The following JPH2 variants were observed in gnomAD, a reference collection of about 807,000 sequenced individuals.
JPH2 encodes the protein junctophilin 2.
In JPH2, 38 loss-of-function variants were observed where a neutral mutation model predicts 55.9. That is an observed-to-expected ratio of 0.68 (90% CI 0.52 to 0.89). JPH2 has a LOEUF of 0.89. Among genes scored for constraint, JPH2 ranks in the 40% least tolerant of loss-of-function variants. JPH2 has a pLI of 0.00. For missense variants in JPH2, 964 were observed against 1,037.6 expected (o/e 0.93, Z 0.97); for synonymous variants, 480 against 472.4 (o/e 1.02, Z -0.21).
intron 2 of JPH2, among the ~76,000 whole-genome samples, chr20:44,140,704 G>T (rs908671904): frequency 1.9e-4 from 21 of 111,988 alleles, no homozygotes; most frequent in African/African-American, 7.3e-4. Context: ...TGGGATTATG[G>T]AAACACCTGG....
At chr20:44,164,863 GT>G (rs2072645010) in intron 1 of JPH2, among the ~76,000 whole-genome samples, 2 of 147,940 alleles carry the variant, frequency 1.4e-5, no homozygotes, top group Non-Finnish European at 3.0e-5. Context: ...GGGGGATGGA[GT>G]TTTGCTCTTG....
At chr20:44,138,769 GCTAA>G (rs780216973) in intron 2 of JPH2, among the ~76,000 whole-genome samples, 52 of 151,498 alleles carry the variant, frequency 3.4e-4, no homozygotes, top group Admixed American at 7.2e-4. Flanking sequence ...CTTTTTTTTG[GCTAA>G]CTTTTTCTAA....
chr20:44,166,838 C>T (rs990437061), intron 1 of JPH2, among the ~76,000 whole-genome samples: 3 of 152,204 alleles, frequency 2.0e-5, no homozygotes, highest in Admixed American at 1.3e-4. Context: ...CCTCCGATAC[C>T]CTTTGGACTG....
At position 44,111,105 on chromosome 20, in the gene JPH2, C is replaced by G. The variant is rs572344244; in HGVS notation, c.*2413G>C. On this transcript the variant is annotated 3_prime_UTR_variant, in exon 6 of 6. Coordinates refer to ENST00000372980, the MANE Select transcript of JPH2 (RefSeq NM_020433.5). ...GTGACCTTGGGCAAGTCCCTCTGCT[C>G]TAAGCCTCTGTGGAATGTGGCGATC... Among the ~76,000 whole-genome samples the G allele has an allele frequency of 1.3e-5, 2 of 152,236 alleles. No homozygotes were observed. The highest frequency in any genetic ancestry group is 2.9e-5 in the Non-Finnish European group (2 of 68,044).
In JPH2 at chr20:44,116,065, C is replaced by A. The variant is rs1297647598; in HGVS notation, c.1610G>T (p.Arg537Leu). 1 of 1,552,548 alleles carries A rather than the reference C, an allele frequency of 6.4e-7. No homozygotes were observed. The highest frequency in any genetic ancestry group is 8.6e-7 in the Non-Finnish European group (1 of 1,159,034). Residue 537 changes from arginine (R) to leucine (L), a missense_variant, in exon 4 of 6, where the codon CGT becomes CTT. Coordinates refer to ENST00000372980, the MANE Select transcript of JPH2 (RefSeq NM_020433.5). ...GATGGCCATGCGCTCGGTGGCTGGACGCGCGGGGCTGCGGCGGCCCGCGCC... is the reference window on the plus strand; with the variant it reads ...GATGGCCATGCGCTCGGTGGCTGGAAGCGCGGGGCTGCGGCGGCCCGCGCC... ...SEGAGRRSPA[R>L]PATERMAIEA...
chr20:44,162,906 G>A (rs750908021), intron 1 of JPH2, among the ~76,000 whole-genome samples: 11 of 150,274 alleles, frequency 7.3e-5, no homozygotes, highest in African/African-American at 1.2e-4. Context: ...TTCACATTGC[G>A]TGCCTTTATC....
At position 44,115,771 on chromosome 20, in the gene JPH2, G is replaced by T. The variant is rs2145838059; in HGVS notation, c.1904C>A (p.Ala635Asp). Residue 635 changes from alanine to aspartate, a missense_variant, in exon 4 of 6, where the codon GCC becomes GAC. Physicochemically the swap from Ala to Asp is moderately radical, Grantham distance 126 (BLOSUM62 -2). Transcript: ENST00000372980. ...KPIIPKAEPR[A>D]KARKTEARGL... ...TCGAGCCTCAGTCTTGCGGGCCTTG[G>T]CCCTGGGCTCGGCTTTGGGGATGAT... is the stretch of plus-strand genomic sequence containing the variant. 6.2e-7 allele frequency: 1 copy of T among 1,611,998 alleles called. No individual in the cohort carries two copies. Among genetic ancestry groups the T allele is most frequent in the South Asian group, 1.1e-5 (1 of 91,080 alleles).
intron 2 of JPH2, among the ~76,000 whole-genome samples, chr20:44,137,592 G>A (rs2072423336): frequency 6.6e-6 from 1 of 152,212 alleles, no homozygotes; most frequent in Non-Finnish European, 1.5e-5. Context: ...ACAAGGACAG[G>A]GGAGGAAGAA....
At chr20:44,170,228 T>C (rs1259678335) in intron 1 of JPH2, among the ~76,000 whole-genome samples, 1 of 152,154 alleles carries the variant, frequency 6.6e-6, no homozygotes, top group Non-Finnish European at 1.5e-5. Flanking sequence ...AAATCCTTCA[T>C]AGCCCAGTTT....
In JPH2 at chr20:44,108,677, T is replaced by C. The variant is rs1222412817; in HGVS notation, c.*4841A>G. ...AGAGGAAGAAGAAGTGACTGTAATG[T>C]AGGCACCTGGTCAAGACAGCCTGGA... On this transcript the variant is annotated 3_prime_UTR_variant, in exon 6 of 6. Coordinates refer to ENST00000372980, the MANE Select transcript of JPH2 (RefSeq NM_020433.5). Among the ~76,000 whole-genome samples, 1 of 150,890 alleles carries C rather than the reference T, an allele frequency of 6.6e-6. No homozygotes were observed. Among genetic ancestry groups the C allele is most frequent in the Non-Finnish European group, 1.5e-5 (1 of 67,866 alleles).
intron 4 of JPH2, 42 bp from the exon 5 acceptor site, chr20:44,114,918 C>G: frequency 6.7e-7 from 1 of 1,481,980 alleles, no homozygotes; most frequent in Non-Finnish European, 9.3e-7. Context: ...CCCATGGCCT[C>G]GGAGACACCC....
chr20:44,166,478 T>G (rs1328778495), intron 1 of JPH2, among the ~76,000 whole-genome samples: 1 of 152,254 alleles, frequency 6.6e-6, no homozygotes, highest in Non-Finnish European at 1.5e-5. Context: ...CCAACCTACC[T>G]TTAGCTTCAG....
intron 2 of JPH2, among the ~76,000 whole-genome samples, chr20:44,150,143 C>T (rs1159956964): frequency 6.6e-6 from 1 of 151,802 alleles, no homozygotes; most frequent in East Asian, 1.9e-4. Flanking sequence ...AAGAGAGAAA[C>T]AAGTTAAACA....
chr20:44,154,381 C>T (rs1490637351), intron 2 of JPH2, among the ~76,000 whole-genome samples: 1 of 152,200 alleles, frequency 6.6e-6, no homozygotes, highest in African/African-American at 2.4e-5. Flanking sequence ...TCTTTTCATA[C>T]TAAGTATTTG....
chr20:44,131,912 C>T (rs1236562961), intron 2 of JPH2, among the ~76,000 whole-genome samples: 1 of 152,200 alleles, frequency 6.6e-6, no homozygotes, highest in Admixed American at 6.5e-5. Flanking sequence ...TCCTTCAGGA[C>T]CCTACCCCAG....
At chr20:44,118,729 C>T (rs1005989154) in intron 2 of JPH2, 106 bp from the exon 3 acceptor site, 43 of 871,920 alleles carry the variant, frequency 4.9e-5, no homozygotes, top group Non-Finnish European at 6.9e-5. Flanking sequence ...CATTCTTTCA[C>T]GCAGGCAGTC....
In JPH2 at chr20:44,125,825, G is replaced by A. The variant is rs189962210; in HGVS notation, c.1170-7202C>T. Among the ~76,000 whole-genome samples the A allele has an allele frequency of 5.9e-5, 9 of 152,152 alleles. No individual in the cohort carries two copies. The East Asian group carries it at 9.7e-4, about 16-fold the overall frequency. ...TAAAATGGGAATAATAAGGGCACGC[G>A]TCTCCAAGGAATGATGTGAGGAGTA... On this transcript the variant is annotated intron_variant, in intron 2 of 5. Coordinates refer to ENST00000372980, the MANE Select transcript of JPH2 (RefSeq NM_020433.5).
At chr20:44,177,793 C>T in intron 1 of JPH2, 2 of 1,531,066 alleles carry the variant, frequency 1.3e-6, no homozygotes, top group Non-Finnish European at 1.8e-6. Flanking sequence ...CCTCAAATAT[C>T]CTCCCGAAGA....
chr20:44,114,565 AGTGTGTGTGTGTGTGTGTGTGTGTGT>A (rs3037626), intron 5 of JPH2, among the ~76,000 whole-genome samples, 191 bp downstream of exon 5: 3 of 141,906 alleles, frequency 2.1e-5, no homozygotes, highest in African/African-American at 7.9e-5. Flanking sequence ...TAATGAAGTA[AGTGTGTGTGTGTGTGTGTGTGTGTGT>A]GTGTGTGTGT....
Sources: gnomAD v4.1 joint callset for allele counts (sites outside exome capture counted in the v4.1 genomes callset) on GRCh38, gnomAD v4.1.1 for gene constraint, MANE v1.5 for transcripts, NCBI Gene and HGNC (gene_info 2026-07-23, HGNC 2026-07-21) for gene names.